The following AUTS2 variants were observed in gnomAD, a reference collection of about 807,000 sequenced individuals.
AUTS2 encodes activator of transcription and developmental regulator AUTS2, also known as autism susceptibility gene 2 protein.
A neutral mutation model predicts 112.4 loss-of-function variants in AUTS2; 17 were observed. That is an observed-to-expected ratio of 0.15 (90% confidence interval 0.10 to 0.23). The LOEUF (loss-of-function observed/expected upper bound fraction) is 0.23, where lower values mean the gene tolerates loss of function less well. Among genes scored for constraint, AUTS2 ranks in the 10% least tolerant of loss-of-function variants. The probability of loss-of-function intolerance (pLI) is 1.00; values close to 1 mark genes in which losing one functional copy is unlikely to be tolerated. For missense variants in AUTS2, 1,510 were observed against 1,701.6 expected (o/e 0.89, Z 1.98); for synonymous variants, 751 against 702.7 (o/e 1.07, Z -1.09).
intron 3 of AUTS2, among the ~76,000 whole-genome samples, chr7:70,128,562 A>AAGCT (rs1182363533): frequency 6.6e-6 from 1 of 152,196 alleles, no homozygotes; most frequent in Non-Finnish European, 1.5e-5. Context: ...CAGGAACAAC[A>AAGCT]AGCTTAGAGG....
intron 1 of AUTS2, among the ~76,000 whole-genome samples, chr7:69,628,899 G>C (rs1193869031): frequency 6.6e-6 from 1 of 152,194 alleles, no homozygotes; most frequent in Non-Finnish European, 1.5e-5. Flanking sequence ...GAGGCACTGA[G>C]ATGTTCAGGA....
intron 5 of AUTS2, among the ~76,000 whole-genome samples, chr7:70,528,307 G>A (rs190856048): frequency 1.2e-3 from 176 of 151,858 alleles, no homozygotes; most frequent in African/African-American, 4.1e-3. Context: ...AAAAAACCCA[G>A]GTAATGGAAA....
chr7:69,835,890 T>C (rs1791700453), intron 1 of AUTS2, among the ~76,000 whole-genome samples: 1 of 152,166 alleles, frequency 6.6e-6, no homozygotes, highest in Non-Finnish European at 1.5e-5. Context: ...AGTCTGATTA[T>C]TGGGAAGAGG....
In AUTS2 at chr7:70,398,027, G is replaced by A. The variant is rs144253714; in HGVS notation, c.661-37725G>A. Among the ~76,000 whole-genome samples, 3 of 152,282 alleles carry A rather than the reference G, an allele frequency of 2.0e-5. No homozygotes were observed. In the East Asian group the frequency reaches 5.8e-4, roughly 29 times the overall value. On this transcript the variant is annotated intron_variant, in intron 4 of 18. Transcript: ENST00000342771. ...TGTTTGTTTGCTTATGGATATTAAA[G>A]TGTTCCCGCACTGCTTATTGAAAAG...
intron 4 of AUTS2, among the ~76,000 whole-genome samples, chr7:70,216,125 T>A (rs1218956778): frequency 6.6e-6 from 1 of 152,242 alleles, no homozygotes; most frequent in Non-Finnish European, 1.5e-5. Context: ...TTCTACTCTG[T>A]AACATTTTAA....
chr7:70,381,437 A>G (rs1229173543), intron 4 of AUTS2, among the ~76,000 whole-genome samples: 1 of 152,234 alleles, frequency 6.6e-6, no homozygotes, highest in Non-Finnish European at 1.5e-5. Context: ...CAACTTATTT[A>G]TGGAGCTACA....
intron 16 of AUTS2, chr7:70,785,273 A>G: frequency 1.6e-6 from 1 of 616,118 alleles, no homozygotes; most frequent in Non-Finnish European, 3.0e-6. Context: ...CCCATGGTGC[A>G]GTGGGTGAGA....
At position 70,791,499 on chromosome 7, in the gene AUTS2, T is replaced by A. The variant is rs1791960836; in HGVS notation, c.*503T>A. 1.3e-5 allele frequency: 2 copies of A among 152,628 alleles called. No individual in the cohort carries two copies. 9.5% of individuals were successfully genotyped at this position (152,628 alleles called of 1,614,324 possible). A position where few individuals can be genotyped will look rare whatever the true frequency, so the allele number is the denominator to read the frequency against. ...TAAAGTAACATAATACATTAATACT[T>A]CTTAAAATGTGCTATTTGCAAACTT... On this transcript the variant is annotated 3_prime_UTR_variant, in exon 19 of 19. Coordinates refer to ENST00000342771, the MANE Select transcript of AUTS2 (RefSeq NM_015570.4).
chr7:70,554,045 C>T (rs1228272837), intron 5 of AUTS2, among the ~76,000 whole-genome samples: 10 of 146,624 alleles, frequency 6.8e-5, no homozygotes, highest in South Asian at 4.4e-4. Context: ...GCTGAGATTA[C>T]AGGCATGAGC....
intron 6 of AUTS2, among the ~76,000 whole-genome samples, chr7:70,713,250 C>T (rs1005140273): frequency 4.2e-4 from 64 of 152,216 alleles, no homozygotes; most frequent in Non-Finnish European, 5.9e-4. Flanking sequence ...ACACAACACA[C>T]ACACATACTG....
intron 1 of AUTS2, among the ~76,000 whole-genome samples, chr7:69,733,831 T>C (rs1230400148): frequency 6.6e-6 from 1 of 152,192 alleles, no homozygotes; most frequent in Non-Finnish European, 1.5e-5. Context: ...TTATCTTCTT[T>C]GAGGTTTTTT....
intron 4 of AUTS2, among the ~76,000 whole-genome samples, chr7:70,183,833 C>CTTTTTTTT (rs60689973): frequency 1.4e-5 from 2 of 137,954 alleles, no homozygotes; most frequent in African/African-American, 2.7e-5. Context: ...CTGTCTTTTT[C>CTTTTTTTT]TTTTTTTTTT....
At chr7:70,614,796 G>A (rs1003966536) in intron 5 of AUTS2, among the ~76,000 whole-genome samples, 12 of 152,222 alleles carry the variant, frequency 7.9e-5, no homozygotes, top group African/African-American at 1.2e-4. Context: ...CCCCCCTGGG[G>A]AGAAAGCCTA....
At chr7:69,934,660 C>A (rs1301332755) in intron 2 of AUTS2, among the ~76,000 whole-genome samples, 1 of 152,142 alleles carries the variant, frequency 6.6e-6, no homozygotes, top group Non-Finnish European at 1.5e-5. Context: ...GTGTGTTTGG[C>A]ATGGTGCCTG....
chr7:70,193,534 A>G (rs1394206304), intron 4 of AUTS2, among the ~76,000 whole-genome samples: 3 of 152,230 alleles, frequency 2.0e-5, no homozygotes, highest in Non-Finnish European at 4.4e-5. Context: ...ACCTAAAGTT[A>G]CATAGCTCAT....
chr7:70,019,536 C>T (rs1028068246), intron 2 of AUTS2, among the ~76,000 whole-genome samples: 3 of 151,934 alleles, frequency 2.0e-5, no homozygotes, highest in South Asian at 2.1e-4. Flanking sequence ...GTTTACTTTT[C>T]GTAGTAGGAA....
chr7:69,879,309 A>ATT (rs397965078), intron 1 of AUTS2, among the ~76,000 whole-genome samples: 1 of 133,652 alleles, frequency 7.5e-6, no homozygotes, highest in African/African-American at 3.0e-5. Flanking sequence ...ATGCCCGGCT[A>ATT]TTTTTTTTTT....
intron 2 of AUTS2, among the ~76,000 whole-genome samples, chr7:70,078,037 T>A (rs1803120299): frequency 6.6e-6 from 1 of 152,202 alleles, no homozygotes; most frequent in South Asian, 2.1e-4. Flanking sequence ...TCCTGGCCTA[T>A]TTATCACCAT....
intron 1 of AUTS2, among the ~76,000 whole-genome samples, chr7:69,760,623 C>A (rs1234619392): frequency 1.3e-5 from 2 of 152,090 alleles, no homozygotes; most frequent in African/African-American, 4.8e-5. Context: ...GAGTTTGAGA[C>A]CAGCCTGACC....
Sources: gnomAD v4.1 joint callset for allele counts (sites outside exome capture counted in the v4.1 genomes callset) on GRCh38, gnomAD v4.1.1 for gene constraint, MANE v1.5 for transcripts, NCBI Gene and HGNC (gene_info 2026-07-23, HGNC 2026-07-21) for gene names.